Variants in ADGB observed in about 807,000 individuals in gnomAD.
The protein encoded by ADGB is androglobin.
ADGB carries 172 observed loss-of-function variants against 210.5 expected under a neutral mutation model. That is an observed-to-expected ratio of 0.82 (90% CI 0.72 to 0.93). The LOEUF is 0.93. Among genes scored for constraint, ADGB ranks in the 40% least tolerant of loss-of-function variants. The pLI is 0.00. For missense variants in ADGB, 2,025 were observed against 1,964.8 expected, an observed-to-expected ratio of 1.03 and a Z score of -0.58; for synonymous variants, 658 against 662.7, an observed-to-expected ratio of 0.99 and a Z score of 0.11.
intron 35 of ADGB, among the ~76,000 whole-genome samples, chr6:146,812,689 T>C (rs1242204841): frequency 6.6e-6 from 1 of 152,254 alleles, no homozygotes; most frequent in Non-Finnish European, 1.5e-5. Flanking sequence ...ATCGACATTG[T>C]CAGCGTGAAA....
chr6:146,768,037 C>T (rs1462726831), intron 28 of ADGB, among the ~76,000 whole-genome samples: 1 of 152,150 alleles, frequency 6.6e-6, no homozygotes, highest in Non-Finnish European at 1.5e-5. Context: ...TATCAGTTTT[C>T]CACATAGAAA....
Position 146,691,170 on chromosome 6 carries a change from C to G in ADGB, c.1366C>G (p.Pro456Ala). 1 of 1,549,762 alleles carries G rather than the reference C, an allele frequency of 6.5e-7. No individual in the cohort carries two copies. Among genetic ancestry groups the G allele is most frequent in the Non-Finnish European group, 8.7e-7 (1 of 1,146,302 alleles). ...TGGGCTTTCCCACATCTGTAGCCAT[C>G]CTGTGCTGGTGACTAGAAGTAGGTC... is the stretch of plus-strand genomic sequence containing the variant. ...EYGLSHICSH[P>A]VLVTRSRSCP... The change falls in exon 11 of 36, where the codon CCT becomes GCT. Residue 456 changes from proline to alanine, a missense_variant. Coordinates refer to ENST00000397944, the MANE Select transcript of ADGB (RefSeq NM_024694.4).
At chr6:146,764,171 T>G in intron 28 of ADGB, 71 bp downstream of exon 28, 1 of 1,345,928 alleles carries the variant, frequency 7.4e-7, no homozygotes, top group Non-Finnish European at 1.0e-6. Context: ...ATCATTTCCC[T>G]AAAAATAGTC....
Position 146,734,040 on chromosome 6 carries a change from T to C in ADGB, c.2794+10T>C. On this transcript the variant is annotated intron_variant, in intron 22 of 35. Transcript: ENST00000397944. ...AAAGCCAGAATACCAGGTATGATTGTCCAAACATTTATAAAATGAACTTGT... is the reference window on the plus strand; with the variant it reads ...AAAGCCAGAATACCAGGTATGATTGCCCAAACATTTATAAAATGAACTTGT... 1 of 1,546,992 alleles carries C rather than the reference T, an allele frequency of 6.5e-7. No individual in the cohort carries two copies.
rs527717950 is a variant in ADGB at position 146,771,105 on chromosome 6, A to T, written c.3862+1974A>T. ...GAAAGCCGCAAATACCTTGCAGGCC[A>T]CGTCTCAAGCCGAATACGCCCGAAT... On this transcript the variant is annotated intron_variant, in intron 29 of 35. Transcript: ENST00000397944. Among the ~76,000 whole-genome samples, 4 of 152,188 alleles carry T rather than the reference A, an allele frequency of 2.6e-5. 1 individual carries two copies. Among genetic ancestry groups the T allele is most frequent in the African/African-American group, 9.6e-5 (4 of 41,540 alleles).
rs9390414 is a variant in ADGB at position 146,691,477 on chromosome 6, A to T, written c.1486+187A>T. Among the ~76,000 whole-genome samples, 90 of 18,524 alleles carry T rather than the reference A, an allele frequency of 4.9e-3. 2 individuals carry two copies. Among genetic ancestry groups the T allele is most frequent in the African/African-American group, 0.012 (27 of 2,294 alleles). The allele number at this position is 18,524 out of a possible 152,430, so 12.2% of individuals were successfully genotyped here. A position where few individuals can be genotyped will look rare whatever the true frequency, so the allele number is the denominator to read the frequency against. On this transcript the variant is annotated intron_variant, in intron 11 of 35. Coordinates refer to ENST00000397944, the MANE Select transcript of ADGB (RefSeq NM_024694.4). ...ATATATAAAAATATATATATATATA[A>T]ATATATATATATATATATATATATT...
chr6:146,712,030 T>C (rs1295494878), intron 13 of ADGB, among the ~76,000 whole-genome samples: 3 of 150,430 alleles, frequency 2.0e-5, no homozygotes, highest in South Asian at 4.2e-4. Flanking sequence ...GAACTCCAGC[T>C]TGGGCAACAG....
At position 146,768,930 on chromosome 6, in the gene ADGB, G is replaced by T. The variant is rs1209194375; in HGVS notation, c.3751-90G>T. ...ATGACTGTCTGATCTGGAAAATTCT[G>T]CATTTATCATGTACCTAGCATAATA... On this transcript the variant is annotated intron_variant, in intron 28 of 35. Transcript: ENST00000397944. 1.0e-5 allele frequency: 6 copies of T among 593,312 alleles called. No individual in the cohort carries two copies. In the Admixed American group the frequency reaches 1.8e-4, roughly 18 times the overall value. The allele number at this position is 593,312 out of a possible 1,614,324, so 36.8% of individuals were successfully genotyped here.
intron 1 of ADGB, among the ~76,000 whole-genome samples, chr6:146,601,143 C>A (rs985544922): frequency 1.3e-5 from 2 of 152,226 alleles, no homozygotes; most frequent in Non-Finnish European, 2.9e-5. Context: ...TGCCCTGATC[C>A]TTTGATGGTT....
At chr6:146,736,699 C>T in intron 23 of ADGB, 108 bp downstream of exon 23, 1 of 585,148 alleles carries the variant, frequency 1.7e-6, no homozygotes, top group South Asian at 3.0e-5. Context: ...GCAGCTAGAA[C>T]CACACCATTA....
chr6:146,756,957 C>A (rs1275821226), intron 27 of ADGB, among the ~76,000 whole-genome samples: 1 of 151,890 alleles, frequency 6.6e-6, no homozygotes, highest in Non-Finnish European at 1.5e-5. Flanking sequence ...AAACTCCTGA[C>A]CTCAAGTGAT....
intron 1 of ADGB, among the ~76,000 whole-genome samples, chr6:146,634,504 G>A (rs917545080): frequency 6.6e-6 from 1 of 151,922 alleles, no homozygotes; most frequent in African/African-American, 2.4e-5. Flanking sequence ...TTAAAAACTT[G>A]AACATTAAAT....
chr6:146,784,581 G>T, intron 30 of ADGB, 37 bp from the exon 31 acceptor site: 1 of 1,446,970 alleles, frequency 6.9e-7, no homozygotes, highest in Non-Finnish European at 9.2e-7. Context: ...TTGAAAGAAG[G>T]AAAGCATGCA....
Position 146,685,814 on chromosome 6 carries a change from T to C in ADGB, c.1297T>C (p.Ser433Pro). 6.5e-7 allele frequency: 1 copy of C among 1,532,872 alleles called. No individual in the cohort carries two copies. The highest frequency in any genetic ancestry group is 1.2e-5 in the South Asian group (1 of 81,900). The allele number at this position is 1,532,872 out of a possible 1,614,324, so 95.0% of individuals were successfully genotyped here. A position where few individuals can be genotyped will look rare whatever the true frequency, so the allele number is the denominator to read the frequency against. The change falls in exon 10 of 36, where the codon TCA (serine) becomes CCA (proline). Residue 433 changes from serine (S) to proline (P), a missense_variant. Physicochemically the swap from Ser to Pro is moderately conservative, Grantham distance 74. Transcript: ENST00000397944. ...PLYLFENKIF[S>P]LEKMADSAEK... ...TTATTTGTTTGAAAACAAGATCTTT[T>C]CATTAGAGAAGATGGTAAGCATTCA...
chr6:146,664,919 A>T (rs570514947), intron 6 of ADGB, among the ~76,000 whole-genome samples: 1 of 152,028 alleles, frequency 6.6e-6, no homozygotes, highest in Non-Finnish European at 1.5e-5. Flanking sequence ...CATATATGAG[A>T]CACATCTGCT....
chr6:146,606,640 C>A (rs1365534742), intron 1 of ADGB, among the ~76,000 whole-genome samples: 3 of 152,184 alleles, frequency 2.0e-5, no homozygotes, highest in Non-Finnish European at 4.4e-5. Flanking sequence ...TATCCCAGTA[C>A]CATTTATTGA....
chr6:146,787,626 TCAACA>T (rs1777892359), intron 32 of ADGB, among the ~76,000 whole-genome samples: 1 of 151,056 alleles, frequency 6.6e-6, no homozygotes, highest in Non-Finnish European at 1.5e-5. Context: ...GCCTCTTATT[TCAACA>T]TTTCTTCATG....
chr6:146,620,794 A>C (rs1562256983), intron 1 of ADGB, among the ~76,000 whole-genome samples: 1 of 152,068 alleles, frequency 6.6e-6, no homozygotes, highest in African/African-American at 2.4e-5. Flanking sequence ...TAGATCTTCA[A>C]ATCTTCTGGG....
In ADGB at chr6:146,815,259, A is replaced by G; in HGVS notation, c.*42A>G. The G allele has an allele frequency of 5.0e-6, 7 of 1,412,644 alleles. No individual in the cohort carries two copies. Among genetic ancestry groups the G allele is most frequent in the Non-Finnish European group, 6.5e-6 (7 of 1,078,804 alleles). The allele number at this position is 1,412,644 out of a possible 1,614,324, so 87.5% of individuals were successfully genotyped here. On this transcript the variant is annotated 3_prime_UTR_variant, in exon 36 of 36. Transcript: ENST00000397944. Reference sequence around the variant, plus strand: ...ACTACCCTGCTTCTGGAGAGAAAAAATCTATTTGTAATGATCTTTAACTGC... The same window carrying G: ...ACTACCCTGCTTCTGGAGAGAAAAAGTCTATTTGTAATGATCTTTAACTGC...
Sources: allele counts gnomAD v4.1 joint callset (sites outside exome capture counted in the v4.1 genomes callset), GRCh38; gene constraint gnomAD v4.1.1; transcripts MANE v1.5; gene names NCBI Gene and HGNC (gene_info 2026-07-23, HGNC 2026-07-21).